PHTF1: variants seen among roughly 807,000 people sequenced by gnomAD.
PHTF1 encodes putative homeodomain transcription factor 1.
In PHTF1, 88 loss-of-function variants were observed where a neutral mutation model predicts 102.4. That is an observed-to-expected ratio of 0.86 (90% CI 0.72 to 1.03). PHTF1 has a LOEUF of 1.03. Among genes scored for constraint, PHTF1 ranks in the 50% least tolerant of loss-of-function variants. The probability of loss-of-function intolerance (pLI) is 0.00; values close to 1 mark genes in which losing one functional copy is unlikely to be tolerated. For synonymous variants in PHTF1, 289 were observed against 305.2 expected, an observed-to-expected ratio of 0.95 and a Z score of 0.55; for missense variants, 814 against 909.5, an observed-to-expected ratio of 0.89 and a Z score of 1.35.
At chr1:113,698,619 AT>A (rs1358390834) in intron 17 of PHTF1, among the ~76,000 whole-genome samples, 1 of 30,936 alleles carries the variant, frequency 3.2e-5, no homozygotes, top group Non-Finnish European at 9.7e-5. Flanking sequence ...ATATATATAT[AT>A]ACACACACAC....
chr1:113,726,562 A>G lies in PHTF1; in HGVS notation c.344T>C (p.Val115Ala). The change falls in exon 6 of 19, where the codon GTC becomes GCC. Residue 115 changes from valine (V) to alanine (A), a missense_variant. Transcript: ENST00000369604. ...LLYFMQVIAI[V>A]LYLMMPIVNI... ...CACAATAGGCATCATCAAATATAAGACAATTGCTATAACTGAAAAGAAGAG... is the reference window on the plus strand; with the variant it reads ...CACAATAGGCATCATCAAATATAAGGCAATTGCTATAACTGAAAAGAAGAG... 1 of 1,579,986 alleles carries G rather than the reference A, an allele frequency of 6.3e-7. No homozygotes were observed. The highest frequency in any genetic ancestry group is 8.6e-7 in the Non-Finnish European group (1 of 1,165,352).
chr1:113,698,929 A>G (rs1359543506), intron 17 of PHTF1: 1 of 159,624 alleles, frequency 6.3e-6, no homozygotes, highest in Non-Finnish European at 1.4e-5. Flanking sequence ...AGAGTCTGGT[A>G]TGGGTCTTTA....
At chr1:113,709,781 G>T (rs1161687223) in intron 11 of PHTF1, among the ~76,000 whole-genome samples, 4 of 152,066 alleles carry the variant, frequency 2.6e-5, no homozygotes, top group African/African-American at 9.7e-5. Flanking sequence ...TCTCTACATT[G>T]GTTGGAAGGT....
chr1:113,743,959 C>T (rs1220355445), intron 3 of PHTF1, among the ~76,000 whole-genome samples: 1 of 152,166 alleles, frequency 6.6e-6, no homozygotes, highest in African/African-American at 2.4e-5. Context: ...ACTATCCTGC[C>T]TTTCGCTATA....
intron 3 of PHTF1, among the ~76,000 whole-genome samples, chr1:113,744,643 C>T (rs763254597): frequency 4.7e-4 from 71 of 152,174 alleles, no homozygotes; most frequent in Non-Finnish European, 9.8e-4. Flanking sequence ...TAAAGTTGCA[C>T]ATGTGATATA....
intron 5 of PHTF1, among the ~76,000 whole-genome samples, chr1:113,733,868 G>A (rs1202994454): frequency 1.3e-5 from 2 of 152,190 alleles, no homozygotes; most frequent in African/African-American, 2.4e-5. Flanking sequence ...TTTATAAATA[G>A]GTAATGGGTG....
chr1:113,744,060 T>C (rs1277809344), intron 3 of PHTF1, among the ~76,000 whole-genome samples: 1 of 152,224 alleles, frequency 6.6e-6, no homozygotes, highest in Non-Finnish European at 1.5e-5. Context: ...ATGGGCATTA[T>C]GAGTGGATTT....
Position 113,706,655 on chromosome 1 carries a change from C to T in PHTF1, c.1337G>A (p.Gly446Glu). 1 of 1,610,500 alleles carries T rather than the reference C, an allele frequency of 6.2e-7. No individual in the cohort carries two copies. The highest frequency in any genetic ancestry group is 8.5e-7 in the Non-Finnish European group (1 of 1,177,872). ...CATATCCATCTTTTTGCACTCATTC[C>T]CCTCCCAGATTATTGCACTAACTCG... ...SDRVSAIIWE[G>E]NECKKMDMSV... The change falls in exon 12 of 19, where the codon GGG becomes GAG. Residue 446 changes from glycine (G) to glutamate (E), a missense_variant. Coordinates refer to ENST00000369604, the MANE Select transcript of PHTF1 (RefSeq NM_001323043.2).
chr1:113,758,818 T>A, intron 1 of PHTF1, 85 bp from the exon 2 acceptor site: 1 of 1,473,452 alleles, frequency 6.8e-7, no homozygotes, highest in South Asian at 1.4e-5. Context: ...ACCGCTTCTC[T>A]CAGCCTCTCC....
intron 3 of PHTF1, among the ~76,000 whole-genome samples, chr1:113,743,867 T>C (rs1656801455): frequency 6.6e-6 from 1 of 152,194 alleles, no homozygotes; most frequent in African/African-American, 2.4e-5. Flanking sequence ...ACCTTTATTA[T>C]CCTCACTTTA....
chr1:113,723,876 A>G (rs144185997), intron 7 of PHTF1, among the ~76,000 whole-genome samples: 88 of 152,356 alleles, frequency 5.8e-4, no homozygotes, highest in Middle Eastern at 3.4e-3. Flanking sequence ...TATCCATCTG[A>G]CAAGGGATTA....
chr1:113,728,637 T>G (rs1156581302), intron 5 of PHTF1, among the ~76,000 whole-genome samples: 1 of 152,186 alleles, frequency 6.6e-6, no homozygotes, highest in East Asian at 1.9e-4. Context: ...GGTTGGGCAC[T>G]GTGGCTCATG....
intron 6 of PHTF1, chr1:113,725,893 A>C (rs1232899391): frequency 6.5e-6 from 1 of 154,908 alleles, no homozygotes; most frequent in African/African-American, 2.4e-5. Flanking sequence ...GCTTGAACTC[A>C]GGAGGTATCG....
intron 3 of PHTF1, among the ~76,000 whole-genome samples, chr1:113,752,439 G>A (rs1429990404): frequency 5.4e-5 from 6 of 111,872 alleles, no homozygotes; most frequent in Non-Finnish European, 9.8e-5. Context: ...TCGTTCTGTC[G>A]TCCAGGCTGG....
rs938181753 is a variant in PHTF1 at position 113,697,521 on chromosome 1, C to A, written c.*184G>T. 4 of 545,608 alleles carry A rather than the reference C, an allele frequency of 7.3e-6. No individual in the cohort carries two copies. The highest frequency in any genetic ancestry group is 1.0e-5 in the Non-Finnish European group (3 of 298,396). The allele number at this position is 545,608 out of a possible 1,614,324, so 33.8% of individuals were successfully genotyped here. ...AAAGCATGAAAATACAGGTTTTTAG[C>A]ATGCACACCCAGTTGGAAAAGGACT... On this transcript the variant is annotated 3_prime_UTR_variant, in exon 19 of 19. Transcript: ENST00000369604.
intron 3 of PHTF1, among the ~76,000 whole-genome samples, chr1:113,743,440 C>A (rs1307268649): frequency 6.6e-6 from 1 of 151,978 alleles, no homozygotes; most frequent in Non-Finnish European, 1.5e-5. Context: ...GAAGGACCTA[C>A]CTGAGACTGT....
At chr1:113,713,250 A>C (rs898347360) in intron 8 of PHTF1, 29 bp downstream of exon 8, 1 of 1,597,256 alleles carries the variant, frequency 6.3e-7, no homozygotes, top group African/African-American at 1.3e-5. Context: ...GGGGAAAAAA[A>C]CCCCTTGTTA....
chr1:113,704,934 T>G, intron 13 of PHTF1, 137 bp from the exon 14 acceptor site: 1 of 652,612 alleles, frequency 1.5e-6, no homozygotes, highest in Non-Finnish European at 2.6e-6. Flanking sequence ...AGATGGGCAG[T>G]GAAAATTTTC....
intron 6 of PHTF1, chr1:113,725,682 G>A (rs1041498336): frequency 2.0e-5 from 3 of 152,138 alleles, no homozygotes; most frequent in African/African-American, 4.8e-5. Flanking sequence ...AAGTTTAGAC[G>A]GCTGGGTGCA....
Sources: gnomAD v4.1 joint callset for allele counts (sites outside exome capture counted in the v4.1 genomes callset) on GRCh38, gnomAD v4.1.1 for gene constraint, MANE v1.5 for transcripts, NCBI Gene and HGNC (gene_info 2026-07-23, HGNC 2026-07-21) for gene names.